Variants in SMOC1 observed in about 807,000 individuals in gnomAD.
SMOC1 encodes the protein SPARC related modular calcium binding 1, also known as SPARC-related modular calcium-binding protein 1.
SMOC1 carries 22 observed loss-of-function variants against 56.3 expected under a neutral mutation model. That is an observed-to-expected ratio of 0.39 (90% CI 0.28 to 0.56). SMOC1 has a LOEUF of 0.56. Among genes scored for constraint, SMOC1 ranks in the 20% least tolerant of loss-of-function variants. The pLI is 0.61. For missense variants in SMOC1, 509 were observed against 565.4 expected, an observed-to-expected ratio of 0.90 and a Z score of 1.01; for synonymous variants, 193 against 215.0, an observed-to-expected ratio of 0.90 and a Z score of 0.89.
At chr14:70,005,352 G>A (rs149891191) in intron 7 of SMOC1, among the ~76,000 whole-genome samples, 51 of 152,248 alleles carry the variant, frequency 3.3e-4, no homozygotes, top group African/African-American at 1.2e-3. Flanking sequence ...AGTCCTAGCC[G>A]ACAGAGCTGT....
intron 7 of SMOC1, among the ~76,000 whole-genome samples, chr14:69,999,343 C>G (rs1173716169): frequency 6.6e-6 from 1 of 152,124 alleles, no homozygotes; most frequent in African/African-American, 2.4e-5. Flanking sequence ...AGCCAGCACT[C>G]TTGGCCCGCC....
intron 1 of SMOC1, among the ~76,000 whole-genome samples, chr14:69,893,607 C>T (rs1162945542): frequency 1.3e-5 from 2 of 152,094 alleles, no homozygotes; most frequent in Admixed American, 6.5e-5. Flanking sequence ...TATAGATTTG[C>T]TTTTTGTGTG....
At chr14:70,015,171 A>G (rs910054327) in intron 10 of SMOC1, among the ~76,000 whole-genome samples, 1 of 152,216 alleles carries the variant, frequency 6.6e-6, no homozygotes, top group Non-Finnish European at 1.5e-5. Context: ...GCATTATGCT[A>G]TGTGAAATGA....
chr14:69,955,212 CT>C (rs1883141213), intron 3 of SMOC1, among the ~76,000 whole-genome samples: 2 of 152,114 alleles, frequency 1.3e-5, no homozygotes, highest in Non-Finnish European at 1.5e-5. Context: ...CTCAGAAGCC[CT>C]CCATACTCTG....
intron 1 of SMOC1, among the ~76,000 whole-genome samples, chr14:69,898,316 C>T (rs1884149908): frequency 6.6e-6 from 1 of 152,036 alleles, no homozygotes; most frequent in African/African-American, 2.4e-5. Flanking sequence ...GATCTGTGGT[C>T]TGGTGTCTGG....
chr14:70,010,670 A>G (rs1447421109), intron 7 of SMOC1, 84 bp from the exon 8 acceptor site: 11 of 1,446,726 alleles, frequency 7.6e-6, no homozygotes, highest in African/African-American at 1.4e-5. Flanking sequence ...GGTCCTTGCT[A>G]CTTACTTTGG....
rs980089549 is a variant in SMOC1, at chr14:69,962,907, CT to C, written c.378+9383del. ...GCTTTAGTTTTGAAGTTCAATTTAT[CT>C]TTTTTTTCTCTTTTATTTCTTATAA... On this transcript the variant is annotated intron_variant, in intron 3 of 11. Coordinates refer to ENST00000361956, the MANE Select transcript of SMOC1 (RefSeq NM_001034852.3). Among the ~76,000 whole-genome samples, 45 of 152,140 alleles carry C rather than the reference CT, an allele frequency of 3.0e-4. 1 individual carries two copies. Among genetic ancestry groups the C allele is most frequent in the African/African-American group, 9.9e-4 (41 of 41,508 alleles).
intron 3 of SMOC1, among the ~76,000 whole-genome samples, chr14:69,958,983 TA>T (rs1013544566): frequency 6.6e-6 from 1 of 152,114 alleles, no homozygotes; most frequent in Admixed American, 6.6e-5. Context: ...CACATTCTGT[TA>T]AAAAAATTCT....
Position 69,952,319 on chromosome 14 carries a change from C to G in SMOC1, c.265+16C>G. 6.2e-7 allele frequency: 1 copy of G among 1,613,638 alleles called. No homozygotes were observed. Among genetic ancestry groups the G allele is most frequent in the Non-Finnish European group, 8.5e-7 (1 of 1,179,808 alleles). On this transcript the variant is annotated intron_variant, in intron 2 of 11. Transcript: ENST00000361956. ...AGATGCAAAGGTGAGTGTGTGCACC[C>G]CTGCCCAGCCAAGGAGAGGTTCCTG...
chr14:69,922,096 C>T (rs1305367269), intron 1 of SMOC1, among the ~76,000 whole-genome samples: 7 of 152,194 alleles, frequency 4.6e-5, no homozygotes, highest in East Asian at 1.9e-4. Flanking sequence ...GGCAGCTCAG[C>T]GGTCATGATA....
At chr14:69,917,886 C>T (rs1406806109) in intron 1 of SMOC1, among the ~76,000 whole-genome samples, 1 of 152,076 alleles carries the variant, frequency 6.6e-6, no homozygotes, top group Non-Finnish European at 1.5e-5. Flanking sequence ...TGAGTGAACA[C>T]AGCAGCAGGC....
chr14:69,929,351 A>G (rs56837831), intron 1 of SMOC1, among the ~76,000 whole-genome samples: 3,797 of 152,282 alleles, frequency 0.025, 160 homozygotes, highest in African/African-American at 0.085. Context: ...CTTTACATGC[A>G]TCATCTCACT....
intron 3 of SMOC1, among the ~76,000 whole-genome samples, chr14:69,964,800 T>G (rs1298682121): frequency 1.3e-5 from 2 of 152,178 alleles, no homozygotes; most frequent in Non-Finnish European, 2.9e-5. Context: ...ACATTCCCAT[T>G]TTATTGATGT....
intron 7 of SMOC1, among the ~76,000 whole-genome samples, chr14:70,004,482 T>C (rs74333164): frequency 0.03 from 4,644 of 152,340 alleles, 124 homozygotes; most frequent in Middle Eastern, 0.14. Context: ...GAGCAAAGAC[T>C]GAGGTTTCCC....
chr14:69,879,670 G>T lies in SMOC1; in HGVS notation c.-9G>T. On this transcript the variant is annotated 5_prime_UTR_variant, in exon 1 of 12. Transcript: ENST00000361956. ...CGCTCGCTGCCGGCTGCCCAGCCTG[G>T]CTGGCACCATGCTGCCCGCGCGCTG... 6.5e-7 allele frequency: 1 copy of T among 1,535,352 alleles called. No individual in the cohort carries two copies. The highest frequency in any genetic ancestry group is 8.7e-7 in the Non-Finnish European group (1 of 1,150,952).
chr14:69,990,085 CA>C (rs1215046250), intron 5 of SMOC1, among the ~76,000 whole-genome samples: 1 of 152,198 alleles, frequency 6.6e-6, no homozygotes, highest in Non-Finnish European at 1.5e-5. Context: ...TCCTTCCCTG[CA>C]AGTGGCTTTA....
intron 7 of SMOC1, among the ~76,000 whole-genome samples, chr14:70,002,332 T>A (rs1389377225): frequency 1.3e-5 from 2 of 152,200 alleles, no homozygotes; most frequent in Non-Finnish European, 2.9e-5. Flanking sequence ...GTGACTTTAA[T>A]TCGTGCAAAT....
chr14:69,988,163 T>C (rs1444718531), intron 5 of SMOC1, among the ~76,000 whole-genome samples: 4 of 152,232 alleles, frequency 2.6e-5, no homozygotes, highest in African/African-American at 4.8e-5. Flanking sequence ...AATACTATTA[T>C]TACCGTTGCT....
At chr14:70,017,265 G>T (rs1483162430) in intron 10 of SMOC1, among the ~76,000 whole-genome samples, 1 of 152,192 alleles carries the variant, frequency 6.6e-6, no homozygotes, top group Non-Finnish European at 1.5e-5. Flanking sequence ...AGGGCCCGAG[G>T]GTACCCTGGC....
Sources: gnomAD v4.1 joint callset for allele counts (sites outside exome capture counted in the v4.1 genomes callset) on GRCh38, gnomAD v4.1.1 for gene constraint, MANE v1.5 for transcripts, NCBI Gene and HGNC (gene_info 2026-07-23, HGNC 2026-07-21) for gene names.